The following MZT2A variants were observed in gnomAD, a reference collection of about 807,000 sequenced individuals.
MZT2A encodes the protein mitotic spindle organizing protein 2A.
A neutral mutation model predicts 12.4 loss-of-function variants in MZT2A; 8 were observed. The observed-to-expected ratio is 0.64, with a 90% CI of 0.38 to 1.16. The LOEUF is 1.16. Among genes scored for constraint, MZT2A ranks in the 50% most tolerant of loss-of-function variants. MZT2A has a pLI of 0.01. For synonymous variants in MZT2A, 88 were observed against 107.5 expected, an observed-to-expected ratio of 0.82 and a Z score of 1.12; for missense variants, 181 against 223.6, an observed-to-expected ratio of 0.81 and a Z score of 1.22.
downstream of MZT2A, chr2:131,479,983 G>C (rs1198175101): frequency 2.0e-6 from 3 of 1,475,014 alleles, no homozygotes; most frequent in Non-Finnish European, 2.7e-6. Context: ...CAACTCTTTA[G>C]AGGCAAAGAG....
At chr2:131,481,962 G>C (rs535963010), downstream of MZT2A, among the ~76,000 whole-genome samples, 4 of 152,336 alleles carry the variant, frequency 2.6e-5, no homozygotes, top group South Asian at 8.3e-4. Context: ...CCCGAGTTCT[G>C]AAACTTGGAA....
chr2:131,485,576 AGT>A (rs916393885), intron 2 of MZT2A, among the ~76,000 whole-genome samples: 16 of 152,150 alleles, frequency 1.1e-4, no homozygotes, highest in African/African-American at 3.9e-4. Flanking sequence ...CCTGGCATTA[AGT>A]GTTTCTTCCT....
At chr2:131,476,021 C>A in intron 2 of MZT2A, 1 of 1,195,026 alleles carries the variant, frequency 8.4e-7, no homozygotes, top group South Asian at 1.5e-5. Flanking sequence ...AATGGCCAAT[C>A]AGAACTGGGA....
intron 2 of MZT2A, 193 bp downstream of exon 2, chr2:131,491,683 C>G (rs1573877985): frequency 3.8e-6 from 3 of 794,208 alleles, no homozygotes; most frequent in African/African-American, 3.6e-5. Flanking sequence ...GTCCACCTGA[C>G]CTGGACGTGC....
At chr2:131,475,433 G>A (rs567473711) in intron 2 of MZT2A, among the ~76,000 whole-genome samples, 1 of 143,304 alleles carries the variant, frequency 7.0e-6, no homozygotes, top group South Asian at 2.3e-4. Context: ...AGTTTCAAGC[G>A]ATTCTCCTAC....
chr2:131,492,923 C>G (rs1193079256), upstream of MZT2A: 2 of 1,521,202 alleles, frequency 1.3e-6, no homozygotes, highest in Non-Finnish European at 1.8e-6. Flanking sequence ...ACTCCCTCCC[C>G]CCGCACTCCT....
rs764184891 is a variant in MZT2A, at chr2:131,492,312, C to T, written c.65G>A (p.Arg22Gln). 1.7e-5 allele frequency: 26 copies of T among 1,532,216 alleles called. No homozygotes were observed. Among genetic ancestry groups the T allele is most frequent in the Admixed American group, 5.8e-5 (3 of 51,492 alleles). The allele number at this position is 1,532,216 out of a possible 1,614,324, so 94.9% of individuals were successfully genotyped here. The part of the protein sequence containing the change: ...SAAPPGLEAA[R>Q]QKLALRRKKV... ...CTTGCGCCGCAGCGCCAGCTTCTGC[C>T]GGGCCGCCTCCAGCCCCGGGGGCGC... Residue 22 changes from arginine to glutamine, a missense_variant, in exon 1 of 3, where the codon CGG becomes CAG. By Grantham distance (43) the Arg-to-Gln change is conservative (BLOSUM62 1). Around this residue, in one of 3 missense-constraint regions of MZT2A, gnomAD observed 106 missense variants for 127.2 expected, o/e 0.83. Coordinates refer to ENST00000309451, the MANE Select transcript of MZT2A (RefSeq NM_001085365.2).
chr2:131,471,613 G>T (rs1428280165), intron 3 of MZT2A, among the ~76,000 whole-genome samples: 1 of 151,276 alleles, frequency 6.6e-6, no homozygotes, highest in Admixed American at 6.6e-5. Context: ...GCAGTTCCCT[G>T]TCCTTACTAA....
At chr2:131,475,643 T>C (rs2105266489) in intron 2 of MZT2A, among the ~76,000 whole-genome samples, 1 of 152,252 alleles carries the variant, frequency 6.6e-6, no homozygotes, top group African/African-American at 2.4e-5. Context: ...TTTTCTCCTT[T>C]TGGGTCACAA....
In MZT2A at chr2:131,487,768, G is replaced by A. The variant is rs1287285335; in HGVS notation, c.320-3550C>T. 3.3e-5 allele frequency among the ~76,000 whole-genome samples: 5 copies of A among 152,306 alleles called. No homozygotes were observed. In the South Asian group the frequency reaches 1.0e-3, roughly 32 times the overall value. Reference sequence around the variant, plus strand: ...AATGCCCAGCCTCATTCACTTTGGGGTTTTTTGTTTATTTTTGAGACAGGG... The same window carrying A: ...AATGCCCAGCCTCATTCACTTTGGGATTTTTTGTTTATTTTTGAGACAGGG... On this transcript the variant is annotated intron_variant, in intron 2 of 2. Coordinates refer to ENST00000309451, the MANE Select transcript of MZT2A (RefSeq NM_001085365.2).
intron 2 of MZT2A, among the ~76,000 whole-genome samples, chr2:131,473,861 C>G (rs1678550731): frequency 7.0e-6 from 1 of 142,844 alleles, no homozygotes; most frequent in Non-Finnish European, 1.5e-5. Context: ...GTCCATAAAC[C>G]CACTCCCTCT....
At chr2:131,490,085 G>C (rs555338512) in intron 2 of MZT2A, 1 of 800,134 alleles carries the variant, frequency 1.2e-6, no homozygotes, top group African/African-American at 1.9e-5. Flanking sequence ...TTGGGCCTGA[G>C]CTCTGGGTGG....
At chr2:131,482,104 A>G (rs1288678554), downstream of MZT2A, among the ~76,000 whole-genome samples, 2 of 152,232 alleles carry the variant, frequency 1.3e-5, no homozygotes, top group South Asian at 2.1e-4. Context: ...CTACCTTTGC[A>G]TATCCACAGT....
intron 2 of MZT2A, chr2:131,491,490 C>T: frequency 2.7e-6 from 1 of 373,218 alleles, no homozygotes; most frequent in Non-Finnish European, 4.9e-6. Context: ...TGGTCTCAAA[C>T]TCATGGCCTC....
intron 3 of MZT2A, among the ~76,000 whole-genome samples, chr2:131,471,215 C>G (rs397839688): frequency 1.4e-5 from 2 of 140,024 alleles, no homozygotes; most frequent in East Asian, 1.9e-4. Context: ...AGCAATGAGA[C>G]GCTGCCCAGC....
intron 2 of MZT2A, chr2:131,486,357 C>T (rs924691560): frequency 1.2e-5 from 2 of 162,396 alleles, no homozygotes; most frequent in African/African-American, 5.3e-5. Flanking sequence ...CCTCTGAGGC[C>T]ACAGTCCCTC....
chr2:131,492,174 G>A lies in MZT2A; in HGVS notation c.170+33C>T, dbSNP rs1420723759. ...CGGAGAGCAGAGGTCGGGGGTGTCT[G>A]GCGAGCATGCGGCCCCCACCCGCCC... On this transcript the variant is annotated intron_variant, in intron 1 of 2. Transcript: ENST00000309451. 2.0e-6 allele frequency: 3 copies of A among 1,536,942 alleles called. No individual in the cohort carries two copies. The South Asian group carries it at 3.7e-5, about 19-fold the overall frequency.
chr2:131,491,972 T>C lies in MZT2A; in HGVS notation c.223A>G (p.Met75Val). Residue 75 changes from methionine to valine, a missense_variant, in exon 2 of 3, where the codon ATG becomes GTG. Physicochemically the swap from Met to Val is conservative, Grantham distance 21. Around this residue, in one of 3 missense-constraint regions of MZT2A, gnomAD observed 106 missense variants for 127.2 expected, o/e 0.83. Transcript: ENST00000309451. ...LNVAPLAVFQ[M>V]LKSMCAGQRL... is the part of the protein sequence containing the mutation. The stretch of plus-strand genomic sequence containing the variant: ...TGCCCGGCACACATGGACTTGAGCA[T>C]CTGGAAGACGGCGAGGGGGGCCACG... 6.4e-7 allele frequency: 1 copy of C among 1,550,836 alleles called. No homozygotes were observed. Among genetic ancestry groups the C allele is most frequent in the Non-Finnish European group, 8.7e-7 (1 of 1,147,046 alleles).
chr2:131,491,898 C>T lies in MZT2A; in HGVS notation c.297G>A (p.Thr99=), dbSNP rs1167284738. 9.2e-6 allele frequency: 14 copies of T among 1,513,964 alleles called. No individual in the cohort carries two copies. The highest frequency in any genetic ancestry group is 1.3e-5 in the South Asian group (1 of 79,848). 93.8% of individuals were successfully genotyped at this position (1,513,964 alleles called of 1,614,324 possible). ...PQDPAAVSLP[T]SSVPETRGRD... is the part of the protein sequence containing the mutation. ...GACCTCGGGTCTCGGGCACGCTCGACGTGGGCAGAGACACGGCCGCAGGGT... is the reference window on the plus strand; with the variant it reads ...GACCTCGGGTCTCGGGCACGCTCGATGTGGGCAGAGACACGGCCGCAGGGT... The change falls in exon 2 of 3, where the codon ACG becomes ACA. Residue 99 remains threonine, a synonymous_variant. Transcript: ENST00000309451.
Sources: gnomAD v4.1 joint callset for allele counts (sites outside exome capture counted in the v4.1 genomes callset) on GRCh38, gnomAD v4.1.1 for gene constraint, gnomAD v4.1.1 regional missense constraint, MANE v1.5 for transcripts, NCBI Gene and HGNC (gene_info 2026-07-23, HGNC 2026-07-21) for gene names.